EYS: variants seen among roughly 807,000 people sequenced by gnomAD.
EYS encodes the protein EGF-like photoreceptor maintenance factor.
In EYS, 250 loss-of-function variants were observed where a neutral mutation model predicts 282.1. The observed-to-expected ratio is 0.89, with a 90% CI of 0.80 to 0.98. EYS has a LOEUF of 0.98. EYS is among the 50% of genes least tolerant of loss of function. The probability of loss-of-function intolerance (pLI) is 0.00; values close to 1 mark genes in which losing one functional copy is unlikely to be tolerated. For missense variants in EYS, 4,016 were observed against 3,709.0 expected, an observed-to-expected ratio of 1.08 and a Z score of -2.15; for synonymous variants, 1,355 against 1,282.9, an observed-to-expected ratio of 1.06 and a Z score of -1.20.
intron 26 of EYS, among the ~76,000 whole-genome samples, chr6:64,556,812 G>A (rs936620789): frequency 6.6e-6 from 1 of 151,782 alleles, no homozygotes. Flanking sequence ...CTTCATATTG[G>A]CCTGTTATCA....
chr6:65,280,332 T>C (rs1048548000), intron 12 of EYS, among the ~76,000 whole-genome samples: 5 of 152,178 alleles, frequency 3.3e-5, no homozygotes, highest in Admixed American at 6.5e-5. Flanking sequence ...GGAAATGCGT[T>C]TATTCTCAAA....
At chr6:63,867,563 GA>G (rs1385951007) in intron 35 of EYS, among the ~76,000 whole-genome samples, 1 of 152,156 alleles carries the variant, frequency 6.6e-6, no homozygotes. Flanking sequence ...GCCAAGTGGT[GA>G]ATAAGACTCG....
At chr6:64,038,394 ATGTG>A (rs1770224373) in intron 33 of EYS, among the ~76,000 whole-genome samples, 1 of 152,162 alleles carries the variant, frequency 6.6e-6, no homozygotes, top group African/African-American at 2.4e-5. Flanking sequence ...CCCATAATGT[ATGTG>A]TACTTCAAGA....
intron 12 of EYS, among the ~76,000 whole-genome samples, chr6:65,270,971 G>T (rs1438212780): frequency 6.6e-6 from 1 of 151,236 alleles, no homozygotes; most frequent in African/African-American, 2.4e-5. Flanking sequence ...CTCTTCACAA[G>T]AGTCTTAGCT....
At chr6:65,115,474 T>A (rs528681223) in intron 12 of EYS, among the ~76,000 whole-genome samples, 20 of 152,176 alleles carry the variant, frequency 1.3e-4, no homozygotes, top group African/African-American at 4.6e-4. Context: ...GTGTCTCGGA[T>A]CAGACTAGCT....
chr6:64,245,306 T>A (rs1212588091), intron 30 of EYS, among the ~76,000 whole-genome samples: 2 of 149,006 alleles, frequency 1.3e-5, no homozygotes, highest in Non-Finnish European at 3.0e-5. Flanking sequence ...TTTGTTTTTG[T>A]TTTTTGTGGG....
chr6:64,004,184 C>T (rs1237579157), intron 33 of EYS, among the ~76,000 whole-genome samples: 1 of 152,006 alleles, frequency 6.6e-6, no homozygotes, highest in Non-Finnish European at 1.5e-5. Flanking sequence ...TGACATTCTT[C>T]TTAGGTATCA....
chr6:64,214,426 G>T (rs116534508), intron 31 of EYS, among the ~76,000 whole-genome samples: 4,127 of 152,156 alleles, frequency 0.027, 58 homozygotes, highest in African/African-American at 0.043. Context: ...TTACTGAAAA[G>T]TTTAAGCCAT....
chr6:64,789,860 A>G (rs1382688360), intron 22 of EYS, among the ~76,000 whole-genome samples: 2 of 149,530 alleles, frequency 1.3e-5, no homozygotes, highest in African/African-American at 4.9e-5. Context: ...CTACAAGGAA[A>G]GCGATGGGAT....
In EYS at chr6:64,259,175, GT is replaced by G. The variant is rs142495473; in HGVS notation, c.6192-28352del. On this transcript the variant is annotated intron_variant, in intron 30 of 42. Transcript: ENST00000503581. ...GTAACCAGAACTTACAAAAGCTGGG[GT>G]CTGGGATGGCGATTTTACTATTCTA... 1.2e-4 allele frequency among the ~76,000 whole-genome samples: 18 copies of G among 152,078 alleles called. No individual in the cohort carries two copies. In the East Asian group the frequency reaches 3.5e-3, roughly 30 times the overall value.
At chr6:64,371,225 A>G (rs1232551360) in intron 29 of EYS, among the ~76,000 whole-genome samples, 2 of 151,440 alleles carry the variant, frequency 1.3e-5, no homozygotes, top group Non-Finnish European at 2.9e-5. Context: ...TTGTTTTTCC[A>G]TTAGTTTCAA....
chr6:64,052,984 G>A (rs1346913370), intron 33 of EYS, among the ~76,000 whole-genome samples: 1 of 151,984 alleles, frequency 6.6e-6, no homozygotes, highest in Non-Finnish European at 1.5e-5. Context: ...CTAATACATG[G>A]CTTTTTTCAT....
intron 34 of EYS, among the ~76,000 whole-genome samples, chr6:63,995,461 G>C (rs1205367877): frequency 6.6e-6 from 1 of 151,968 alleles, no homozygotes; most frequent in Non-Finnish European, 1.5e-5. Flanking sequence ...CAGGATGTAA[G>C]ATGATGTAGC....
chr6:65,471,792 TA>T (rs1765227954), intron 5 of EYS, among the ~76,000 whole-genome samples: 1 of 152,166 alleles, frequency 6.6e-6, no homozygotes, highest in Non-Finnish European at 1.5e-5. Context: ...ATTCTATTTC[TA>T]ATAAAATATT....
chr6:64,241,182 C>T (rs1766815398), intron 30 of EYS, among the ~76,000 whole-genome samples: 1 of 152,124 alleles, frequency 6.6e-6, no homozygotes, highest in South Asian at 2.1e-4. Flanking sequence ...CGATGTTTAT[C>T]AGGGATATTG....
chr6:64,222,410 CTTG>C (rs1766131603), intron 31 of EYS, among the ~76,000 whole-genome samples: 2 of 151,952 alleles, frequency 1.3e-5, no homozygotes, highest in Non-Finnish European at 2.9e-5. Flanking sequence ...ATAGTTTTTC[CTTG>C]TTGTTTTGCC....
Position 64,767,793 on chromosome 6 carries a change from A to G in EYS, c.3443+45585T>C, listed in dbSNP as rs868028397. Among the ~76,000 whole-genome samples the G allele has an allele frequency of 2.5e-4, 38 of 152,224 alleles. 1 individual carries two copies. The highest frequency in any genetic ancestry group is 8.2e-4 in the African/African-American group (34 of 41,572). On this transcript the variant is annotated intron_variant, in intron 22 of 42. Transcript: ENST00000503581. ...TATACTGATTTTTTTCCTTTTGGTA[A>G]ATGCCCAATAGTGGGATTGCTGGAT...
intron 13 of EYS, among the ~76,000 whole-genome samples, chr6:65,014,835 A>C (rs1032865112): frequency 2.0e-5 from 3 of 152,194 alleles, no homozygotes; most frequent in African/African-American, 4.8e-5. Context: ...TTATGTGGCC[A>C]ATAAGAATTT....
intron 34 of EYS, among the ~76,000 whole-genome samples, chr6:63,994,383 A>T (rs1379614966): frequency 6.6e-6 from 1 of 151,924 alleles, no homozygotes; most frequent in Non-Finnish European, 1.5e-5. Context: ...GTTCCCAAGG[A>T]TTCTCATTAT....
Sources: allele counts gnomAD v4.1 joint callset (sites outside exome capture counted in the v4.1 genomes callset), GRCh38; gene constraint gnomAD v4.1.1; transcripts MANE v1.5; gene names NCBI Gene and HGNC (gene_info 2026-07-23, HGNC 2026-07-21).